The following TBC1D19 variants were observed in gnomAD, a reference collection of about 807,000 sequenced individuals.
The protein encoded by TBC1D19 is TBC1 domain family member 19.
TBC1D19 carries 60 observed loss-of-function variants against 89.0 expected under a neutral mutation model. The observed-to-expected ratio is 0.67, with a 90% CI of 0.55 to 0.84. TBC1D19 has a LOEUF of 0.84. Among genes scored for constraint, TBC1D19 ranks in the 40% least tolerant of loss-of-function variants. The pLI, the probability that TBC1D19 is intolerant of heterozygous loss-of-function variation, is 0.00. For synonymous variants in TBC1D19, 189 were observed against 199.7 expected (o/e 0.95, Z 0.45); for missense variants, 500 against 610.8 (o/e 0.82, Z 1.91).
At chr4:26,622,881 C>T (rs1276096458) in intron 4 of TBC1D19, among the ~76,000 whole-genome samples, 1 of 152,154 alleles carries the variant, frequency 6.6e-6, no homozygotes, top group African/African-American at 2.4e-5. Flanking sequence ...CTAAATTATT[C>T]ATTCTTCAAT....
the TBC1D19 span, among the ~76,000 whole-genome samples, chr4:26,842,644 C>CT: frequency 7.1e-5 from 7 of 99,260 alleles, no homozygotes; most frequent in East Asian, 3.0e-4. Context: ...TTCTTTCTTT[C>CT]TTTTTCTTTC....
intron 7 of TBC1D19, among the ~76,000 whole-genome samples, chr4:26,656,958 T>TTTCTTCTTCTTCTTCTTCTTC (rs56762622): frequency 0.02 from 937 of 47,848 alleles, 250 homozygotes; most frequent in Admixed American, 0.03. Context: ...CCCTGCAATC[T>TTTCTTCTTCTTCTTCTTCTTC]TTCTTCTTCT....
the TBC1D19 span, among the ~76,000 whole-genome samples, chr4:26,790,267 G>A: frequency 0.012 from 1,886 of 152,220 alleles, 14 homozygotes; most frequent in Non-Finnish European, 0.02. Context: ...GAGGCCCTGC[G>A]GGATGATGGT....
chr4:26,777,631 T>C, the TBC1D19 span, among the ~76,000 whole-genome samples: 1 of 152,024 alleles, frequency 6.6e-6, no homozygotes, highest in East Asian at 1.9e-4. Flanking sequence ...TACTTTTTAA[T>C]AGAGACAGGG....
chr4:26,661,633 A>G lies in TBC1D19; in HGVS notation c.591+1926A>G, dbSNP rs373151465. Among the ~76,000 whole-genome samples the G allele has an allele frequency of 1.2e-4, 18 of 152,330 alleles. No homozygotes were observed. The East Asian group carries it at 1.3e-3, about 11-fold the overall frequency. ...ATAACAAAACCCAAATAGCCAAATT[A>G]GGGAATGACCACTAATAGGCATTTC... On this transcript the variant is annotated intron_variant, in intron 8 of 20. Transcript: ENST00000264866.
At chr4:26,673,191 T>C (rs1712464784) in intron 10 of TBC1D19, among the ~76,000 whole-genome samples, 1 of 151,720 alleles carries the variant, frequency 6.6e-6, no homozygotes, top group African/African-American at 2.4e-5. Flanking sequence ...ATGAGATCTT[T>C]GTTTCTACGT....
intron 9 of TBC1D19, among the ~76,000 whole-genome samples, chr4:26,671,628 G>A (rs1483451091): frequency 1.3e-5 from 2 of 151,668 alleles, no homozygotes; most frequent in African/African-American, 2.4e-5. Context: ...TTTGTAGAGC[G>A]AGATTTTTCC....
chr4:26,616,869 G>A (rs1410049087), intron 3 of TBC1D19, among the ~76,000 whole-genome samples: 1 of 152,030 alleles, frequency 6.6e-6, no homozygotes, highest in Non-Finnish European at 1.5e-5. Context: ...TGTGTTAATA[G>A]CTATTTAGTA....
At chr4:26,820,753 A>G in the TBC1D19 span, among the ~76,000 whole-genome samples, 1 of 152,194 alleles carries the variant, frequency 6.6e-6, no homozygotes. Context: ...AGGAACCTCC[A>G]TGCTGCTTTC....
At chr4:26,845,983 T>A in the TBC1D19 span, among the ~76,000 whole-genome samples, 1 of 152,316 alleles carries the variant, frequency 6.6e-6, no homozygotes, top group Non-Finnish European at 1.5e-5. Context: ...ACCATATCAC[T>A]CCTATAAGTG....
rs992806616 is a variant in TBC1D19 at position 26,675,786 on chromosome 4, A to G, written c.816+1898A>G. Among the ~76,000 whole-genome samples the G allele has an allele frequency of 2.6e-5, 4 of 152,192 alleles. No individual in the cohort carries two copies. The East Asian group carries it at 5.8e-4, about 22-fold the overall frequency. On this transcript the variant is annotated intron_variant, in intron 11 of 20. Coordinates refer to ENST00000264866, the MANE Select transcript of TBC1D19 (RefSeq NM_018317.4). The stretch of plus-strand genomic sequence containing the variant: ...GTTAGACATAAATGGAAGATTCTAC[A>G]TTTCACAAACATAAAGCTATTCTTT...
the TBC1D19 span, among the ~76,000 whole-genome samples, chr4:26,771,121 A>G: frequency 2.6e-5 from 4 of 152,256 alleles, no homozygotes; most frequent in Admixed American, 6.5e-5. Context: ...CATCAGGGAA[A>G]TGCAGATTAA....
intron 1 of TBC1D19, among the ~76,000 whole-genome samples, chr4:26,599,165 TCTTGGA>T (rs1740434598): frequency 6.6e-6 from 1 of 152,202 alleles, no homozygotes; most frequent in Non-Finnish European, 1.5e-5. Flanking sequence ...TTAAAAATAA[TCTTGGA>T]CTTGTAAGAG....
chr4:26,723,334 G>C (rs773937525), intron 15 of TBC1D19, among the ~76,000 whole-genome samples: 8 of 151,954 alleles, frequency 5.3e-5, no homozygotes, highest in Non-Finnish European at 1.2e-4. Context: ...TTGAACCTCT[G>C]CCAAAGATAT....
At chr4:26,845,247 A>G in the TBC1D19 span, among the ~76,000 whole-genome samples, 8 of 152,216 alleles carry the variant, frequency 5.3e-5, no homozygotes, top group African/African-American at 1.9e-4. Context: ...GCAATTATAA[A>G]TAACTTTCTG....
At chr4:26,819,912 C>G in the TBC1D19 span, among the ~76,000 whole-genome samples, 1 of 152,174 alleles carries the variant, frequency 6.6e-6, no homozygotes, top group Admixed American at 6.6e-5. Flanking sequence ...GAATGCTCGT[C>G]CCTCAGATAT....
the TBC1D19 span, among the ~76,000 whole-genome samples, chr4:26,829,094 A>G: frequency 1.3e-5 from 2 of 152,254 alleles, no homozygotes; most frequent in Non-Finnish European, 2.9e-5. Context: ...CATGAAGCTC[A>G]AATAACAAGT....
intron 1 of TBC1D19, among the ~76,000 whole-genome samples, chr4:26,591,915 A>G (rs1739838484): frequency 6.6e-6 from 1 of 152,234 alleles, no homozygotes; most frequent in Non-Finnish European, 1.5e-5. Flanking sequence ...AGGTACAAGG[A>G]GGAGCTGGTA....
upstream of TBC1D19, among the ~76,000 whole-genome samples, chr4:26,580,017 T>TAA (rs965680198): frequency 1.3e-5 from 2 of 152,162 alleles, no homozygotes; most frequent in African/African-American, 4.8e-5. Flanking sequence ...TTGGTAATAA[T>TAA]AAAGATCTTA....
Sources: allele counts gnomAD v4.1 joint callset (sites outside exome capture counted in the v4.1 genomes callset), GRCh38; gene constraint gnomAD v4.1.1; transcripts MANE v1.5; gene names NCBI Gene and HGNC (gene_info 2026-07-23, HGNC 2026-07-21).